The following DNMBP variants were observed in gnomAD, a reference collection of about 807,000 sequenced individuals.
DNMBP encodes dynamin binding protein.
In DNMBP, 87 loss-of-function variants were observed where a neutral mutation model predicts 150.0. The ratio of observed to expected loss-of-function variants is 0.58; its 90% CI spans 0.49 to 0.69. The LOEUF is 0.69. Ranked by LOEUF, DNMBP falls within the 30% of genes least tolerant of loss-of-function variation. The probability of loss-of-function intolerance (pLI) is 0.00; values close to 1 mark genes in which losing one functional copy is unlikely to be tolerated. For missense variants in DNMBP, 1,774 were observed against 1,949.0 expected (o/e 0.91, Z 1.69); for synonymous variants, 711 against 750.4 (o/e 0.95, Z 0.86).
chr10:99,969,798 T>TCCAGAC (rs1336939191), intron 2 of DNMBP, among the ~76,000 whole-genome samples: 1 of 152,168 alleles, frequency 6.6e-6, no homozygotes, highest in Non-Finnish European at 1.5e-5. Flanking sequence ...TATATTTATC[T>TCCAGAC]CCAGACCCAC....
At chr10:100,004,002 C>T (rs2041042226) in intron 1 of DNMBP, among the ~76,000 whole-genome samples, 1 of 150,800 alleles carries the variant, frequency 6.6e-6, no homozygotes, top group Non-Finnish European at 1.5e-5. Flanking sequence ...GAGGCCAAGG[C>T]AGGAAGATTG....
At chr10:99,996,979 C>T (rs555035324) in intron 1 of DNMBP, among the ~76,000 whole-genome samples, 3 of 152,096 alleles carry the variant, frequency 2.0e-5, no homozygotes, top group African/African-American at 7.2e-5. Context: ...GCAAAAAGAA[C>T]AAGTAATTAA....
intron 1 of DNMBP, among the ~76,000 whole-genome samples, chr10:99,980,022 T>C (rs1314433040): frequency 5.3e-5 from 8 of 152,216 alleles, no homozygotes; most frequent in Non-Finnish European, 1.2e-4. Flanking sequence ...TCATTTGCCA[T>C]GTCTTAAGTC....
At chr10:99,999,671 T>C (rs1020195614) in intron 1 of DNMBP, among the ~76,000 whole-genome samples, 1 of 152,234 alleles carries the variant, frequency 6.6e-6, no homozygotes, top group African/African-American at 2.4e-5. Context: ...AATCTCTTAC[T>C]GCACCTAATT....
At chr10:99,997,438 C>T (rs61871669) in intron 1 of DNMBP, among the ~76,000 whole-genome samples, 5,474 of 152,186 alleles carry the variant, frequency 0.036, 100 homozygotes, top group South Asian at 0.087. Context: ...TGGGGCCAGA[C>T]CAAACTACAA....
At chr10:99,927,590 T>C (rs1365605024) in intron 4 of DNMBP, among the ~76,000 whole-genome samples, 1 of 152,150 alleles carries the variant, frequency 6.6e-6, no homozygotes. Context: ...TCCCTTGTAA[T>C]ATTCAGGAAG....
At chr10:99,975,736 C>A (rs2133359713) in intron 1 of DNMBP, among the ~76,000 whole-genome samples, 1 of 152,310 alleles carries the variant, frequency 6.6e-6, no homozygotes, top group East Asian at 1.9e-4. Context: ...AGACCCAGGT[C>A]CACAGGCCAG....
intron 15 of DNMBP, among the ~76,000 whole-genome samples, chr10:99,883,025 T>A (rs888039474): frequency 9.9e-5 from 15 of 152,218 alleles, no homozygotes; most frequent in Non-Finnish European, 1.9e-4. Flanking sequence ...CTAGCCTGGG[T>A]GACAGAGCTA....
intron 4 of DNMBP, among the ~76,000 whole-genome samples, chr10:99,952,816 A>G (rs2040439399): frequency 6.6e-6 from 1 of 152,178 alleles, no homozygotes; most frequent in South Asian, 2.1e-4. Context: ...TTATAGACCT[A>G]AAGTAGAAAG....
rs73333955 is a variant in DNMBP, at chr10:99,950,809, A to G, written c.2260+4405T>C. ...TTTTATAAGGGATGTACAGAACAGA[A>G]GTTCCAAAAATGTGCAGCCTGACAA... On this transcript the variant is annotated intron_variant, in intron 4 of 16. Transcript: ENST00000324109. Among the ~76,000 whole-genome samples the G allele has an allele frequency of 4.3e-3, 654 of 152,356 alleles. 3 individuals are homozygous for G. The highest frequency in any genetic ancestry group is 0.015 in the African/African-American group (620 of 41,578).
intron 4 of DNMBP, among the ~76,000 whole-genome samples, chr10:99,939,037 G>A (rs1004825329): frequency 6.6e-6 from 1 of 151,998 alleles, no homozygotes; most frequent in Non-Finnish European, 1.5e-5. Flanking sequence ...CTAGAAGTGA[G>A]GATGGAGAAG....
intron 1 of DNMBP, among the ~76,000 whole-genome samples, chr10:99,991,075 T>C (rs1032032137): frequency 6.6e-6 from 1 of 151,452 alleles, no homozygotes; most frequent in East Asian, 1.9e-4. Flanking sequence ...CAAAACCTCA[T>C]AAAGAATTTT....
At chr10:99,950,964 T>C (rs2040414918) in intron 4 of DNMBP, among the ~76,000 whole-genome samples, 3 of 152,222 alleles carry the variant, frequency 2.0e-5, no homozygotes, top group Admixed American at 6.5e-5. Context: ...TCAGAGGTCT[T>C]CACGGCAACT....
At chr10:99,944,021 T>C (rs988570496) in intron 4 of DNMBP, among the ~76,000 whole-genome samples, 1 of 152,132 alleles carries the variant, frequency 6.6e-6, no homozygotes, top group Non-Finnish European at 1.5e-5. Flanking sequence ...TTTGACATTA[T>C]CTTAAAGGCC....
chr10:99,984,204 T>C (rs1446282445), intron 1 of DNMBP, among the ~76,000 whole-genome samples: 1 of 152,210 alleles, frequency 6.6e-6, no homozygotes, highest in African/African-American at 2.4e-5. Flanking sequence ...CCAAGATTAA[T>C]ATTTCAGGAC....
chr10:99,974,744 T>C (rs1246519560), intron 1 of DNMBP, among the ~76,000 whole-genome samples: 4 of 151,728 alleles, frequency 2.6e-5, no homozygotes, highest in Admixed American at 2.0e-4. Flanking sequence ...AGTGCCTAAT[T>C]ACAAAAAAAG....
At chr10:99,967,182 T>G (rs1206579457) in intron 3 of DNMBP, among the ~76,000 whole-genome samples, 4 of 152,086 alleles carry the variant, frequency 2.6e-5, no homozygotes, top group Non-Finnish European at 4.4e-5. Flanking sequence ...TAGCATCACT[T>G]GAGGCTAGGA....
intron 1 of DNMBP, among the ~76,000 whole-genome samples, chr10:99,982,993 C>T (rs144163729): frequency 6.6e-6 from 1 of 152,052 alleles, no homozygotes; most frequent in East Asian, 1.9e-4. Flanking sequence ...TTCTGGGGTC[C>T]CAGAACAAAA....
chr10:99,956,685 A>G lies in DNMBP; in HGVS notation c.789T>C (p.Asp263=). 1 of 1,613,530 alleles carries G rather than the reference A, an allele frequency of 6.2e-7. No individual in the cohort carries two copies. The highest frequency in any genetic ancestry group is 8.5e-7 in the Non-Finnish European group (1 of 1,179,558). The change falls in exon 4 of 17, where the codon GAT becomes GAC. Residue 263 remains aspartate (D), a synonymous_variant. Coordinates refer to ENST00000324109, the MANE Select transcript of DNMBP (RefSeq NM_015221.4). ...TTCGGATTTTATCCCCGACCTCGAA[A>G]TCCAGCTCATTTGGCTCCAGGGCTT... is the stretch of plus-strand genomic sequence containing the variant. ...RFQALEPNEL[D]FEVGDKIRIL...
Sources: allele counts gnomAD v4.1 joint callset (sites outside exome capture counted in the v4.1 genomes callset), GRCh38; gene constraint gnomAD v4.1.1; transcripts MANE v1.5; gene names NCBI Gene and HGNC (gene_info 2026-07-23, HGNC 2026-07-21).